Variants in GPATCH1 observed in about 807,000 individuals in gnomAD.
GPATCH1 encodes G-patch domain containing 1, also known as G patch domain-containing protein 1.
GPATCH1 carries 73 observed loss-of-function variants against 114.9 expected under a neutral mutation model. The ratio of observed to expected loss-of-function variants is 0.64; its 90% CI spans 0.53 to 0.77. GPATCH1 has a LOEUF of 0.77. Ranked by LOEUF, GPATCH1 falls within the 30% of genes least tolerant of loss-of-function variation. The pLI, the probability that GPATCH1 is intolerant of heterozygous loss-of-function variation, is 0.00. For missense variants in GPATCH1, 1,058 were observed against 1,144.3 expected, an observed-to-expected ratio of 0.92 and a Z score of 1.09; for synonymous variants, 391 against 428.4, an observed-to-expected ratio of 0.91 and a Z score of 1.08.
At chr19:33,118,624 G>A (rs1347746254) in intron 16 of GPATCH1, among the ~76,000 whole-genome samples, 5 of 151,974 alleles carry the variant, frequency 3.3e-5, no homozygotes, top group South Asian at 2.1e-4. Context: ...CTTGTCTCCC[G>A]CAGTTCTCTG....
intron 3 of GPATCH1, 133 bp from the exon 4 acceptor site, chr19:33,093,226 T>C (rs1972616510): frequency 3.4e-6 from 2 of 590,030 alleles, no homozygotes; most frequent in Non-Finnish European, 5.9e-6. Flanking sequence ...TCAGTGTGTA[T>C]GTCTGTCACT....
Position 33,119,122 on chromosome 19 carries a change from G to T in GPATCH1, c.2521+5G>T, listed in dbSNP as rs1426982581. The T allele has an allele frequency of 1.9e-6, 3 of 1,547,442 alleles. No homozygotes were observed. Among genetic ancestry groups the T allele is most frequent in the Non-Finnish European group, 2.7e-6 (3 of 1,126,480 alleles). ...TGCCTCCCGTCTTCTGCCCCAGTGA[G>T]TGCAGAGCCCTTTGGTTCGCCCATT... On this transcript the variant is annotated splice_donor_5th_base_variant and intron_variant, in intron 17 of 19. Coordinates refer to ENST00000170564, the MANE Select transcript of GPATCH1 (RefSeq NM_018025.3).
chr19:33,112,546 G>A lies in GPATCH1; in HGVS notation c.1825G>A (p.Asp609Asn). Residue 609 changes from aspartate to asparagine, a missense_variant, in exon 13 of 20, where the codon GAC becomes AAC. This residue lies in a region of GPATCH1 where 893 missense variants were observed against 977.4 expected (regional missense o/e 0.91). Transcript: ENST00000170564. ...GAAGATGTTTGGGAAGCTCACCCGA[G>A]ACACGTTTGAGTGGCACCCTGACAA... ...KMKMFGKLTR[D>N]TFEWHPDKLL... 1 of 1,613,976 alleles carries A rather than the reference G, an allele frequency of 6.2e-7. No individual in the cohort carries two copies. The highest frequency in any genetic ancestry group is 8.5e-7 in the Non-Finnish European group (1 of 1,179,912).
At chr19:33,096,921 G>A (rs1031552438) in intron 7 of GPATCH1, among the ~76,000 whole-genome samples, 16 of 149,890 alleles carry the variant, frequency 1.1e-4, no homozygotes, top group African/African-American at 3.9e-4. Flanking sequence ...GAGCCACTGC[G>A]CCTGGCCACC....
chr19:33,085,222 T>TTTTGTTTTTGAGACAGTCTTGC (rs1322572795), intron 1 of GPATCH1, among the ~76,000 whole-genome samples: 1 of 152,020 alleles, frequency 6.6e-6, no homozygotes, highest in Non-Finnish European at 1.5e-5. Context: ...AACTTTTTGT[T>TTTTGTTTTTGAGACAGTCTTGC]TTTGTTTTTG....
intron 8 of GPATCH1, among the ~76,000 whole-genome samples, chr19:33,101,030 C>T (rs1282389889): frequency 6.6e-6 from 1 of 152,192 alleles, no homozygotes; most frequent in African/African-American, 2.4e-5. Flanking sequence ...CATTGCCTTT[C>T]ATCCCTATTT....
At chr19:33,108,877 C>A (rs920735834) in intron 10 of GPATCH1, among the ~76,000 whole-genome samples, 1 of 152,138 alleles carries the variant, frequency 6.6e-6, no homozygotes, top group African/African-American at 2.4e-5. Flanking sequence ...GAATCACTCA[C>A]GTGCCCTGTA....
chr19:33,099,306 A>G (rs1042155790), intron 8 of GPATCH1, among the ~76,000 whole-genome samples: 1 of 151,686 alleles, frequency 6.6e-6, no homozygotes, highest in Non-Finnish European at 1.5e-5. Flanking sequence ...ATTAATAACA[A>G]TATATCAATC....
chr19:33,090,899 G>T (rs767605547), intron 3 of GPATCH1, 34 bp downstream of exon 3: 2 of 1,325,138 alleles, frequency 1.5e-6, no homozygotes, highest in South Asian at 2.4e-5. Context: ...CCAATTAGCT[G>T]GTGGGACAGG....
chr19:33,100,248 A>C (rs1159233911), intron 8 of GPATCH1: 2 of 152,120 alleles, frequency 1.3e-5, no homozygotes, highest in Non-Finnish European at 2.9e-5. Flanking sequence ...TGTGAAATTG[A>C]ATCCCACATT....
At position 33,126,330 on chromosome 19, in the gene GPATCH1, C is replaced by T. The variant is rs967246141; in HGVS notation, c.2620-258C>T. On this transcript the variant is annotated intron_variant, in intron 18 of 19. Transcript: ENST00000170564. ...TCACGTCTTATGACACCAAGTGTTACGATAGGTCCTGTCTGCGCCTTCTTG... is the reference window on the plus strand; with the variant it reads ...TCACGTCTTATGACACCAAGTGTTATGATAGGTCCTGTCTGCGCCTTCTTG... Among the ~76,000 whole-genome samples, 10 of 152,140 alleles carry T rather than the reference C, an allele frequency of 6.6e-5. No individual in the cohort carries two copies. The East Asian group carries it at 1.3e-3, about 21-fold the overall frequency.
chr19:33,120,638 T>G (rs892924954), intron 17 of GPATCH1, among the ~76,000 whole-genome samples: 2 of 150,996 alleles, frequency 1.3e-5, no homozygotes, highest in African/African-American at 4.9e-5. Flanking sequence ...GACAGATCGC[T>G]TGAGCCCAGT....
At position 33,118,030 on chromosome 19, in the gene GPATCH1, C is replaced by G; in HGVS notation, c.2402C>G (p.Ser801Cys). Residue 801 changes from serine to cysteine, a missense_variant, in exon 16 of 20, where the codon TCT becomes TGT. Ser to Cys is a moderately radical substitution (Grantham distance 112). This residue lies in a region of GPATCH1 where 893 missense variants were observed against 977.4 expected (regional missense o/e 0.91). Coordinates refer to ENST00000170564, the MANE Select transcript of GPATCH1 (RefSeq NM_018025.3). ...SQDTDLGETS[S>C]VAHALVPAPQ... The stretch of plus-strand genomic sequence containing the variant: ...GACACTGACTTGGGGGAAACATCAT[C>G]TGTGGCTCACGGTATGTCAGTATTT... 1.2e-6 allele frequency: 2 copies of G among 1,612,288 alleles called. No individual in the cohort carries two copies. The highest frequency in any genetic ancestry group is 1.7e-6 in the Non-Finnish European group (2 of 1,178,472).
chr19:33,127,254 C>T (rs938422162), intron 19 of GPATCH1, among the ~76,000 whole-genome samples: 4 of 152,038 alleles, frequency 2.6e-5, no homozygotes, highest in Non-Finnish European at 5.9e-5. Flanking sequence ...CGCGGTGGCT[C>T]ATGCCTGTAA....
In GPATCH1 at chr19:33,125,153, A is replaced by G; in HGVS notation, c.2570A>G (p.Asn857Ser). ...EVPQKEKHKK[N>S]KDKHKAKKEH... ...CCTCAAAAAGAGAAACATAAAAAGA[A>G]CAAAGACAAGCACAAGGCCAAGAAA... The change falls in exon 18 of 20, where the codon AAC becomes AGC. Residue 857 changes from asparagine to serine, a missense_variant. Coordinates refer to ENST00000170564, the MANE Select transcript of GPATCH1 (RefSeq NM_018025.3). The G allele has an allele frequency of 6.2e-7, 1 of 1,600,438 alleles. No homozygotes were observed. The highest frequency in any genetic ancestry group is 2.3e-5 in the East Asian group (1 of 43,876).
At chr19:33,122,577 C>G (rs1034615401) in intron 17 of GPATCH1, among the ~76,000 whole-genome samples, 2 of 152,124 alleles carry the variant, frequency 1.3e-5, no homozygotes, top group Non-Finnish European at 2.9e-5. Context: ...CCCGCCTCAA[C>G]CTCCCAAAGT....
At chr19:33,097,518 C>A (rs1211666828) in intron 7 of GPATCH1, among the ~76,000 whole-genome samples, 1 of 152,144 alleles carries the variant, frequency 6.6e-6, no homozygotes, top group East Asian at 1.9e-4. Context: ...GGAGCCATGG[C>A]TGTTGTGGGG....
Position 33,101,585 on chromosome 19 carries a change from C to G in GPATCH1, c.1080+11C>G, listed in dbSNP as rs1972727197. 3 of 1,388,630 alleles carry G rather than the reference C, an allele frequency of 2.2e-6. No homozygotes were observed. Among genetic ancestry groups the G allele is most frequent in the Non-Finnish European group, 3.1e-6 (3 of 982,988 alleles). 86.0% of individuals were successfully genotyped at this position (1,388,630 alleles called of 1,614,324 possible). A position where few individuals can be genotyped will look rare whatever the true frequency, so the allele number is the denominator to read the frequency against. On this transcript the variant is annotated intron_variant, in intron 9 of 19. Coordinates refer to ENST00000170564, the MANE Select transcript of GPATCH1 (RefSeq NM_018025.3). ...TTATCTTCTAAGAAAGTAAGAAAAA[C>G]TTTTTTTCTTTCTTTTTTTACTGGT...
chr19:33,108,506 G>A (rs1052027181), intron 10 of GPATCH1, among the ~76,000 whole-genome samples: 4 of 151,444 alleles, frequency 2.6e-5, no homozygotes, highest in Admixed American at 6.6e-5. Flanking sequence ...TTGTGAATCT[G>A]GCTCTTTTTT....
Sources: allele counts gnomAD v4.1 joint callset (sites outside exome capture counted in the v4.1 genomes callset), GRCh38; gene constraint gnomAD v4.1.1; regional missense constraint gnomAD v4.1.1; transcripts MANE v1.5; gene names NCBI Gene and HGNC (gene_info 2026-07-23, HGNC 2026-07-21).